The following INPP4B variants were observed in gnomAD, a reference collection of about 807,000 sequenced individuals.
The protein encoded by INPP4B is inositol polyphosphate-4-phosphatase type II B.
In INPP4B, 55 loss-of-function variants were observed where a neutral mutation model predicts 122.5. That is an observed-to-expected ratio of 0.45 (90% confidence interval 0.36 to 0.56). The LOEUF is 0.56. INPP4B is among the 20% of genes least tolerant of loss of function. The pLI is 0.00. For synonymous variants in INPP4B, 403 were observed against 388.7 expected (o/e 1.04, Z -0.43); for missense variants, 1,000 against 1,097.7 (o/e 0.91, Z 1.26).
At chr4:142,174,839 C>A (rs1827329743) in intron 15 of INPP4B, among the ~76,000 whole-genome samples, 1 of 152,052 alleles carries the variant, frequency 6.6e-6, no homozygotes, top group African/African-American at 2.4e-5. Context: ...TATGCTTGCA[C>A]AGACTGGTCT....
intron 1 of INPP4B, among the ~76,000 whole-genome samples, chr4:142,761,096 T>A (rs1250997029): frequency 2.0e-5 from 3 of 152,092 alleles, no homozygotes; most frequent in Non-Finnish European, 4.4e-5. Flanking sequence ...GGACGTAGCA[T>A]CCATTATCTT....
intron 2 of INPP4B, among the ~76,000 whole-genome samples, chr4:142,507,796 C>T (rs1246766437): frequency 6.6e-6 from 1 of 152,094 alleles, no homozygotes; most frequent in Non-Finnish European, 1.5e-5. Context: ...CAACACCAGA[C>T]CCCTCCATAG....
intron 16 of INPP4B, among the ~76,000 whole-genome samples, chr4:142,165,449 CCTTTA>C (rs1020276404): frequency 2.0e-4 from 30 of 151,670 alleles, no homozygotes; most frequent in Non-Finnish European, 4.0e-4. Flanking sequence ...ACTTGTCTTT[CCTTTA>C]CAATGTTATC....
chr4:142,480,238 T>C (rs1027841028), intron 2 of INPP4B, among the ~76,000 whole-genome samples: 2 of 152,218 alleles, frequency 1.3e-5, no homozygotes, highest in African/African-American at 4.8e-5. Context: ...TAAATTCTAG[T>C]TTTAGTAATA....
intron 7 of INPP4B, among the ~76,000 whole-genome samples, chr4:142,315,376 A>G (rs1767153366): frequency 1.3e-5 from 2 of 152,144 alleles, no homozygotes; most frequent in Admixed American, 1.3e-4. Context: ...GTAATTCTCA[A>G]TTGTGGGAGG....
intron 1 of INPP4B, among the ~76,000 whole-genome samples, chr4:142,738,501 C>G (rs1580808037): frequency 6.6e-6 from 1 of 151,934 alleles, no homozygotes; most frequent in Admixed American, 6.6e-5. Flanking sequence ...GGAGATACCC[C>G]TAATGTTAAA....
At chr4:142,697,184 G>A (rs1761148981) in intron 2 of INPP4B, among the ~76,000 whole-genome samples, 2 of 152,136 alleles carry the variant, frequency 1.3e-5, no homozygotes, top group African/African-American at 4.8e-5. Flanking sequence ...AGGAAAAGGA[G>A]ACATTTAAAT....
At chr4:142,763,768 T>C (rs1038058670) in intron 1 of INPP4B, among the ~76,000 whole-genome samples, 3 of 152,132 alleles carry the variant, frequency 2.0e-5, no homozygotes, top group African/African-American at 7.2e-5. Flanking sequence ...TTTTATGCCA[T>C]ACATCTCTGT....
intron 9 of INPP4B, among the ~76,000 whole-genome samples, chr4:142,280,265 A>G (rs1353891183): frequency 6.6e-6 from 1 of 151,996 alleles, no homozygotes; most frequent in Non-Finnish European, 1.5e-5. Context: ...AGCTTCATTC[A>G]TAATAGCCAA....
intron 2 of INPP4B, among the ~76,000 whole-genome samples, chr4:142,670,069 C>T (rs945181084): frequency 4.6e-5 from 7 of 152,154 alleles, no homozygotes; most frequent in Non-Finnish European, 8.8e-5. Flanking sequence ...TTTGAAATCG[C>T]ATGCTTTGTA....
intron 10 of INPP4B, among the ~76,000 whole-genome samples, chr4:142,264,813 G>A (rs1741970340): frequency 6.6e-6 from 1 of 152,124 alleles, no homozygotes; most frequent in Non-Finnish European, 1.5e-5. Context: ...GACCATATTT[G>A]GAGATAAGGG....
intron 9 of INPP4B, among the ~76,000 whole-genome samples, chr4:142,293,410 G>C (rs1757276570): frequency 6.6e-6 from 1 of 151,614 alleles, no homozygotes; most frequent in Non-Finnish European, 1.5e-5. Context: ...ATCCTCCATT[G>C]CAGCACAGCA....
At chr4:142,645,785 C>CT (rs1210547472) in intron 2 of INPP4B, among the ~76,000 whole-genome samples, 1 of 152,144 alleles carries the variant, frequency 6.6e-6, no homozygotes, top group African/African-American at 2.4e-5. Context: ...ATTTTGGTTT[C>CT]TTTTTTCCCC....
chr4:142,715,834 C>T (rs1460274464), intron 2 of INPP4B, among the ~76,000 whole-genome samples: 1 of 152,212 alleles, frequency 6.6e-6, no homozygotes, highest in African/African-American at 2.4e-5. Flanking sequence ...CACTCATTAT[C>T]ACTTGGGCTG....
intron 2 of INPP4B, among the ~76,000 whole-genome samples, chr4:142,520,583 GAATTT>G (rs1825957618): frequency 6.6e-6 from 1 of 151,806 alleles, no homozygotes; most frequent in Non-Finnish European, 1.5e-5. Flanking sequence ...GCTAACCAAT[GAATTT>G]AAGATGTGTA....
chr4:142,048,962 G>A (rs1170640786), intron 25 of INPP4B, among the ~76,000 whole-genome samples: 1 of 151,806 alleles, frequency 6.6e-6, no homozygotes, highest in Non-Finnish European at 1.5e-5. Flanking sequence ...CAGAATTTTG[G>A]GCAACAGACT....
At chr4:142,509,807 T>C (rs540486745) in intron 2 of INPP4B, among the ~76,000 whole-genome samples, 1 of 152,310 alleles carries the variant, frequency 6.6e-6, no homozygotes, top group South Asian at 2.1e-4. Flanking sequence ...TCATGGCCCC[T>C]GCCTCTTAGC....
chr4:142,528,140 A>G (rs1827170179), intron 2 of INPP4B, among the ~76,000 whole-genome samples: 1 of 152,096 alleles, frequency 6.6e-6, no homozygotes, highest in African/African-American at 2.4e-5. Context: ...AAAGTATATA[A>G]AGTACTTCTA....
intron 21 of INPP4B, among the ~76,000 whole-genome samples, chr4:142,121,224 T>TG (rs770505153): frequency 2.7e-5 from 4 of 148,106 alleles, no homozygotes; most frequent in East Asian, 4.2e-4. Context: ...TCTGAGGATG[T>TG]GGGTTTTTTT....
Sources: allele counts gnomAD v4.1 joint callset (sites outside exome capture counted in the v4.1 genomes callset), GRCh38; gene constraint gnomAD v4.1.1; transcripts MANE v1.5; gene names NCBI Gene and HGNC (gene_info 2026-07-23, HGNC 2026-07-21).